Variants in FNIP2 observed in about 807,000 individuals in gnomAD.
FNIP2 encodes folliculin interacting protein 2, also known as folliculin-interacting protein 2.
FNIP2 carries 32 observed loss-of-function variants against 108.7 expected under a neutral mutation model. The ratio of observed to expected loss-of-function variants is 0.29; its 90% confidence interval spans 0.22 to 0.40. FNIP2 has a LOEUF of 0.40. FNIP2 is among the 10% of genes least tolerant of loss of function. The pLI is 1.00. For synonymous variants in FNIP2, 480 were observed against 496.7 expected (o/e 0.97, Z 0.45); for missense variants, 1,202 against 1,381.6 (o/e 0.87, Z 2.06).
chr4:158,859,001 C>A, intron 8 of FNIP2, 56 bp from the exon 9 acceptor site: 1 of 1,422,554 alleles, frequency 7.0e-7, no homozygotes, highest in Non-Finnish European at 9.9e-7. Context: ...TTACAGTTGA[C>A]CTTCAGTGTG....
At chr4:158,867,962 A>C in intron 12 of FNIP2, 140 bp from the exon 13 acceptor site, 1 of 1,208,376 alleles carries the variant, frequency 8.3e-7, no homozygotes, top group Admixed American at 2.2e-5. Flanking sequence ...GGTCCTTACT[A>C]GAGAGTAGAA....
intron 14 of FNIP2, among the ~76,000 whole-genome samples, chr4:158,876,725 G>C (rs1454645556): frequency 6.6e-6 from 1 of 152,142 alleles, no homozygotes; most frequent in East Asian, 1.9e-4. Flanking sequence ...GCTCACTAAC[G>C]TTAGTTGACT....
At chr4:158,859,788 C>A in intron 10 of FNIP2, 122 bp downstream of exon 10, 1 of 812,226 alleles carries the variant, frequency 1.2e-6, no homozygotes, top group Non-Finnish European at 2.0e-6. Flanking sequence ...GTGGTTCCGC[C>A]CTTCAAGATG....
Position 158,786,545 on chromosome 4 carries a change from T to G in FNIP2, c.107+17226T>G, listed in dbSNP as rs140645066. Among the ~76,000 whole-genome samples, 54 of 152,342 alleles carry G rather than the reference T, an allele frequency of 3.5e-4. 1 individual carries two copies. The East Asian group carries it at 0.01, about 28-fold the overall frequency. On this transcript the variant is annotated intron_variant, in intron 1 of 16. Transcript: ENST00000264433. ...CTGCCAGAAGCTCATTCCTTCCGTT[T>G]GCATTTTTGTGAATGTCAGTTCTGA...
At chr4:158,818,660 TA>T (rs921489786) in intron 1 of FNIP2, among the ~76,000 whole-genome samples, 1 of 152,106 alleles carries the variant, frequency 6.6e-6, no homozygotes, top group African/African-American at 2.4e-5. Flanking sequence ...TTCTGATTTC[TA>T]AAAAAAATTC....
Position 158,859,159 on chromosome 4 carries a change from T to C in FNIP2, c.960T>C (p.Cys320=). ...CCATAAGCATCATCTTTTCCCTATG[T>C]GAGAAAGAAGAAGCACAAAGGAATT... is the stretch of plus-strand genomic sequence containing the variant. ...KIAISIIFSL[C]EKEEAQRNFQ... is the part of the protein sequence containing the mutation. The change falls in exon 9 of 17, where the codon TGT becomes TGC. Residue 320 remains cysteine, a synonymous_variant. Transcript: ENST00000264433. 1 of 1,614,016 alleles carries C rather than the reference T, an allele frequency of 6.2e-7. No homozygotes were observed. Among genetic ancestry groups the C allele is most frequent in the Non-Finnish European group, 8.5e-7 (1 of 1,179,862 alleles).
chr4:158,856,141 T>TA (rs1466917386), intron 8 of FNIP2, among the ~76,000 whole-genome samples: 1 of 152,180 alleles, frequency 6.6e-6, no homozygotes, highest in Non-Finnish European at 1.5e-5. Context: ...TTCCATCACT[T>TA]ACCGAGGCAA....
intron 1 of FNIP2, among the ~76,000 whole-genome samples, chr4:158,772,497 G>C (rs191818739): frequency 1.3e-5 from 2 of 152,150 alleles, no homozygotes; most frequent in Non-Finnish European, 2.9e-5. Context: ...GCTACCAGAT[G>C]TTCTTTTATT....
At chr4:158,884,354 C>G (rs563927483) in intron 14 of FNIP2, among the ~76,000 whole-genome samples, 16 of 152,270 alleles carry the variant, frequency 1.1e-4, no homozygotes, top group Middle Eastern at 3.4e-3. Flanking sequence ...TGATTTATCT[C>G]CTTGAGTTAC....
intron 7 of FNIP2, among the ~76,000 whole-genome samples, chr4:158,850,689 A>C (rs115578053): frequency 0.012 from 1,755 of 147,326 alleles, 34 homozygotes; most frequent in African/African-American, 0.042. Context: ...GGGAGACAGG[A>C]TACTAGATGG....
intron 8 of FNIP2, 108 bp from the exon 9 acceptor site, chr4:158,858,949 C>T: frequency 1.2e-6 from 1 of 848,662 alleles, no homozygotes. Context: ...GGCAGAGATA[C>T]TCTTAGTTAT....
At chr4:158,826,291 A>G (rs1778154142) in intron 2 of FNIP2, among the ~76,000 whole-genome samples, 1 of 152,224 alleles carries the variant, frequency 6.6e-6, no homozygotes, top group Non-Finnish European at 1.5e-5. Context: ...GCAGTGTACT[A>G]TTAATAGTAC....
intron 1 of FNIP2, among the ~76,000 whole-genome samples, chr4:158,812,499 A>G (rs2126513224): frequency 6.6e-6 from 1 of 152,296 alleles, no homozygotes; most frequent in Non-Finnish European, 1.5e-5. Flanking sequence ...ATCTTCAGAA[A>G]ATAATCCTGT....
At chr4:158,776,300 T>G (rs1430994429) in intron 1 of FNIP2, among the ~76,000 whole-genome samples, 1 of 152,220 alleles carries the variant, frequency 6.6e-6, no homozygotes, top group Non-Finnish European at 1.5e-5. Flanking sequence ...TCTTCACAAG[T>G]TGAAGACAAG....
chr4:158,859,983 T>C (rs1369142947), intron 10 of FNIP2, among the ~76,000 whole-genome samples: 1 of 152,226 alleles, frequency 6.6e-6, no homozygotes, highest in Non-Finnish European at 1.5e-5. Context: ...TAAGCACTAC[T>C]AACCCCATTT....
intron 12 of FNIP2, among the ~76,000 whole-genome samples, chr4:158,863,470 C>A (rs1009489589): frequency 2.0e-5 from 3 of 152,322 alleles, no homozygotes; most frequent in Admixed American, 6.5e-5. Context: ...CGTTCCCCCT[C>A]CATGGCTGCT....
At chr4:158,896,653 CGCCTGTGTTGTTCG>C (rs1782701136) in intron 16 of FNIP2, among the ~76,000 whole-genome samples, 1 of 152,122 alleles carries the variant, frequency 6.6e-6, no homozygotes, top group Non-Finnish European at 1.5e-5. Flanking sequence ...CAGAATGTGA[CGCCTGTGTTGTTCG>C]GCTCTTGGCA....
chr4:158,829,260 G>A (rs749431040), intron 3 of FNIP2, 35 bp downstream of exon 3: 1 of 1,532,672 alleles, frequency 6.5e-7, no homozygotes, highest in Non-Finnish European at 8.8e-7. Flanking sequence ...TAGCCCCTGA[G>A]GTTAAAGTTA....
chr4:158,800,824 A>G lies in FNIP2; in HGVS notation c.108-25092A>G, dbSNP rs76979522. On this transcript the variant is annotated intron_variant, in intron 1 of 16. Coordinates refer to ENST00000264433, the MANE Select transcript of FNIP2 (RefSeq NM_020840.3). The stretch of plus-strand genomic sequence containing the variant: ...TTTTTATTTAACATAAGAATTTTCT[A>G]TGTTTCACAGATTTTATGAAGATGT... Among the ~76,000 whole-genome samples the G allele has an allele frequency of 5.3e-5, 8 of 152,264 alleles. No homozygotes were observed. The East Asian group carries it at 1.5e-3, about 29-fold the overall frequency.
Sources: allele counts gnomAD v4.1 joint callset (sites outside exome capture counted in the v4.1 genomes callset), GRCh38; gene constraint gnomAD v4.1.1; transcripts MANE v1.5; gene names NCBI Gene and HGNC (gene_info 2026-07-23, HGNC 2026-07-21).